The following C8orf34 variants were observed in gnomAD, a reference collection of about 807,000 sequenced individuals.
C8orf34 encodes the protein chromosome 8 open reading frame 34.
Under a neutral mutation model 68.3 loss-of-function variants are expected in C8orf34, and 65 were observed. That is an observed-to-expected ratio of 0.95 (90% CI 0.78 to 1.17). C8orf34 has a LOEUF of 1.17. Among genes scored for constraint, C8orf34 ranks in the 50% most tolerant of loss-of-function variants. The pLI is 0.00. For synonymous variants in C8orf34, 244 were observed against 241.2 expected (o/e 1.01, Z -0.11); for missense variants, 664 against 655.4 (o/e 1.01, Z -0.14).
At chr8:68,375,851 A>G (rs540934466) in intron 1 of C8orf34, among the ~76,000 whole-genome samples, 5 of 152,318 alleles carry the variant, frequency 3.3e-5, no homozygotes, top group African/African-American at 9.6e-5. Flanking sequence ...GTAGATGCAT[A>G]TTGCAGTGAA....
chr8:68,533,562 C>T (rs1815340201), intron 7 of C8orf34: 1 of 985,950 alleles, frequency 1.0e-6, no homozygotes, highest in Non-Finnish European at 1.2e-6. Flanking sequence ...TTTGAGGATG[C>T]TTTAGAAAAA....
chr8:68,805,364 T>C (rs1036580609), intron 12 of C8orf34, among the ~76,000 whole-genome samples: 1 of 152,190 alleles, frequency 6.6e-6, no homozygotes, highest in African/African-American at 2.4e-5. Flanking sequence ...AGGTGGCTGA[T>C]TGTGTTGTTC....
rs7008381 is a variant in C8orf34 at position 68,536,350 on chromosome 8, C to T, written c.1105+3201C>T. ...GTCCAGCCTGGGTGACAGAGGGAGA[C>T]CCTATCTCAAAAAAAAAAAAAAAAA... On this transcript the variant is annotated intron_variant, in intron 7 of 13. Transcript: ENST00000518698. Among the ~76,000 whole-genome samples, 905 of 121,276 alleles carry T rather than the reference C, an allele frequency of 7.5e-3. 13 individuals carry two copies. The highest frequency in any genetic ancestry group is 0.027 in the African/African-American group (836 of 30,888). 79.6% of individuals were successfully genotyped at this position (121,276 alleles called of 152,430 possible). A position where few individuals can be genotyped will look rare whatever the true frequency, so the allele number is the denominator to read the frequency against.
chr8:68,448,029 C>G lies in C8orf34; in HGVS notation c.607+1569C>G, dbSNP rs561219345. ...AAAAATGAATAAAGTCTCAGTATCC[C>G]TTTTCATCATGGATCCCTACCTCTC... On this transcript the variant is annotated intron_variant, in intron 3 of 13. Coordinates refer to ENST00000518698, the MANE Select transcript of C8orf34 (RefSeq NM_052958.4). 5 of 152,220 alleles carry G rather than the reference C, an allele frequency of 3.3e-5. No individual in the cohort carries two copies. In the East Asian group the frequency reaches 9.6e-4, roughly 29 times the overall value. 9.4% of individuals were successfully genotyped at this position (152,220 alleles called of 1,614,324 possible).
At chr8:68,351,698 A>G (rs936821096) in intron 1 of C8orf34, among the ~76,000 whole-genome samples, 27 of 152,120 alleles carry the variant, frequency 1.8e-4, no homozygotes, top group Non-Finnish European at 2.7e-4. Flanking sequence ...TAAGTTTTCA[A>G]TTCCTTTGGG....
chr8:68,347,944 G>A (rs546580914), intron 1 of C8orf34, among the ~76,000 whole-genome samples: 94 of 152,120 alleles, frequency 6.2e-4, no homozygotes, highest in Admixed American at 2.0e-3. Flanking sequence ...TTCTTTTGCT[G>A]TGCAGAAGCT....
chr8:68,448,256 C>A (rs921080907), intron 3 of C8orf34, among the ~76,000 whole-genome samples: 2 of 152,026 alleles, frequency 1.3e-5, no homozygotes, highest in African/African-American at 4.8e-5. Flanking sequence ...TGAATATATT[C>A]CTTTTTACTC....
chr8:68,402,304 T>C (rs1375766947), intron 1 of C8orf34, among the ~76,000 whole-genome samples: 1 of 152,180 alleles, frequency 6.6e-6, no homozygotes, highest in African/African-American at 2.4e-5. Flanking sequence ...TCTTCTTTTC[T>C]TGGTTAGTCT....
At chr8:68,686,981 A>G (rs1820537978) in intron 8 of C8orf34, among the ~76,000 whole-genome samples, 1 of 151,992 alleles carries the variant, frequency 6.6e-6, no homozygotes, top group East Asian at 1.9e-4. Context: ...CAACCAAGCT[A>G]AGAATCAAAT....
chr8:68,686,550 TA>T (rs1820524814), intron 8 of C8orf34, among the ~76,000 whole-genome samples: 1 of 152,056 alleles, frequency 6.6e-6, no homozygotes, highest in Non-Finnish European at 1.5e-5. Flanking sequence ...ATAGATGCAA[TA>T]AAAGCATTTG....
rs138981954 is a variant in C8orf34 at position 68,732,506 on chromosome 8, A to G, written c.1404+11069A>G. Among the ~76,000 whole-genome samples the G allele has an allele frequency of 2.3e-3, 345 of 152,190 alleles. 3 individuals carry two copies. Among genetic ancestry groups the G allele is most frequent in the African/African-American group, 7.7e-3 (321 of 41,540 alleles). Reference sequence around the variant, plus strand: ...ATTGACTTGTTGATATTTATTATGTATTAAAAATAATGACTTGTATCATTT... The same window carrying G: ...ATTGACTTGTTGATATTTATTATGTGTTAAAAATAATGACTTGTATCATTT... On this transcript the variant is annotated intron_variant, in intron 10 of 13. Transcript: ENST00000518698.
chr8:68,544,257 C>T (rs1225255630), intron 7 of C8orf34, among the ~76,000 whole-genome samples: 1 of 152,082 alleles, frequency 6.6e-6, no homozygotes, highest in African/African-American at 2.4e-5. Context: ...GAAACAGAAA[C>T]CAAACTGAGC....
chr8:68,807,836 A>G (rs1178731185), intron 12 of C8orf34, among the ~76,000 whole-genome samples: 2 of 152,244 alleles, frequency 1.3e-5, no homozygotes, highest in Admixed American at 1.3e-4. Context: ...AAAAAGAAAA[A>G]AGATTTTAAG....
At chr8:68,764,183 G>A (rs1823103676) in intron 10 of C8orf34, among the ~76,000 whole-genome samples, 1 of 152,192 alleles carries the variant, frequency 6.6e-6, no homozygotes, top group South Asian at 2.1e-4. Flanking sequence ...TGTGAGGAGA[G>A]GGGACAGGGA....
intron 7 of C8orf34, among the ~76,000 whole-genome samples, chr8:68,537,875 C>T (rs376659216): frequency 3.1e-4 from 47 of 151,956 alleles, no homozygotes; most frequent in African/African-American, 1.0e-3. Flanking sequence ...CTGCATGCCA[C>T]CAAAATATAT....
intron 1 of C8orf34, among the ~76,000 whole-genome samples, chr8:68,340,476 A>G (rs1044488752): frequency 1.3e-5 from 2 of 152,292 alleles, no homozygotes; most frequent in East Asian, 1.9e-4. Flanking sequence ...AGAAATCTCA[A>G]TTCAAAAACA....
Position 68,694,052 on chromosome 8 carries a change from G to GA in C8orf34, c.1242-14937dup, listed in dbSNP as rs200773553. Among the ~76,000 whole-genome samples the GA allele has an allele frequency of 4.7e-3, 712 of 152,102 alleles. 5 individuals carry two copies. Among genetic ancestry groups the GA allele is most frequent in the African/African-American group, 0.016 (679 of 41,514 alleles). The stretch of plus-strand genomic sequence containing the variant: ...TACTTATTTGCTACGTGGATGCTCC[G>GA]AAAAATATAACTTTTATAAGGCCCT... On this transcript the variant is annotated intron_variant, in intron 8 of 13. Transcript: ENST00000518698.
intron 5 of C8orf34, among the ~76,000 whole-genome samples, chr8:68,505,150 G>T (rs1480521471): frequency 3.3e-5 from 5 of 152,112 alleles, no homozygotes; most frequent in African/African-American, 1.2e-4. Flanking sequence ...ATTCCCACCA[G>T]CAAGTATGGA....
intron 6 of C8orf34, among the ~76,000 whole-genome samples, chr8:68,527,711 A>G (rs1815071951): frequency 6.6e-6 from 1 of 152,200 alleles, no homozygotes; most frequent in South Asian, 2.1e-4. Flanking sequence ...TTTGCTCTAC[A>G]GTCTCTCTTC....
Sources: gnomAD v4.1 joint callset for allele counts (sites outside exome capture counted in the v4.1 genomes callset) on GRCh38, gnomAD v4.1.1 for gene constraint, MANE v1.5 for transcripts, NCBI Gene and HGNC (gene_info 2026-07-23, HGNC 2026-07-21) for gene names.